The following PREX2 variants were observed in gnomAD, a reference collection of about 807,000 sequenced individuals.
PREX2 encodes phosphatidylinositol 3,4,5-trisphosphate-dependent Rac exchanger 2 protein.
Under a neutral mutation model 203.2 loss-of-function variants are expected in PREX2, and 107 were observed. That is an observed-to-expected ratio of 0.53 (90% CI 0.45 to 0.62). The LOEUF (loss-of-function observed/expected upper bound fraction) is 0.62, where lower values mean the gene tolerates loss of function less well. Ranked by LOEUF, PREX2 falls within the 20% of genes least tolerant of loss-of-function variation. The probability of loss-of-function intolerance (pLI) is 0.00; values close to 1 mark genes in which losing one functional copy is unlikely to be tolerated. For synonymous variants in PREX2, 672 were observed against 663.6 expected, an observed-to-expected ratio of 1.01 and a Z score of -0.19; for missense variants, 1,777 against 1,955.9, an observed-to-expected ratio of 0.91 and a Z score of 1.72.
intron 21 of PREX2, among the ~76,000 whole-genome samples, chr8:68,095,254 C>T (rs1258364366): frequency 6.6e-6 from 1 of 152,056 alleles, no homozygotes; most frequent in South Asian, 2.1e-4. Context: ...GAACTCTAGC[C>T]TCTCTCCCCT....
rs532701636 is a variant in PREX2, at chr8:67,983,655, A to G, written c.141+31120A>G. On this transcript the variant is annotated intron_variant, in intron 1 of 39. Coordinates refer to ENST00000288368, the MANE Select transcript of PREX2 (RefSeq NM_024870.4). Reference sequence around the variant, plus strand: ...CTTCCTGCCCTCTTCCTTCTGCCAGACTTCATGAAATTTTTGCTCCAGAAT... The same window carrying G: ...CTTCCTGCCCTCTTCCTTCTGCCAGGCTTCATGAAATTTTTGCTCCAGAAT... 3.3e-5 allele frequency among the ~76,000 whole-genome samples: 5 copies of G among 152,280 alleles called. No individual in the cohort carries two copies. In the East Asian group the frequency reaches 9.7e-4, roughly 29 times the overall value.
Position 68,236,898 on chromosome 8 carries a change from T to C in PREX2, c.*5520T>C, listed in dbSNP as rs978895739. The stretch of plus-strand genomic sequence containing the variant: ...ATGTAACATAGCTTCCATTACTCCA[T>C]ATTTTATGTATGGTTAAAATTATCA... On this transcript the variant is annotated 3_prime_UTR_variant, in exon 40 of 40. Coordinates refer to ENST00000288368, the MANE Select transcript of PREX2 (RefSeq NM_024870.4). 1.3e-5 allele frequency: 2 copies of C among 152,160 alleles called. No individual in the cohort carries two copies. The highest frequency in any genetic ancestry group is 2.4e-5 in the African/African-American group (1 of 41,456). The allele number at this position is 152,160 out of a possible 1,614,324, so 9.4% of individuals were successfully genotyped here. A position where few individuals can be genotyped will look rare whatever the true frequency, so the allele number is the denominator to read the frequency against.
intron 1 of PREX2, among the ~76,000 whole-genome samples, chr8:68,000,809 TG>T (rs746327701): frequency 7.2e-5 from 11 of 152,234 alleles, no homozygotes; most frequent in Non-Finnish European, 1.6e-4. Context: ...CGTATAACCA[TG>T]TGATCATTGA....
intron 34 of PREX2, among the ~76,000 whole-genome samples, chr8:68,147,579 A>G (rs1229664002): frequency 6.6e-6 from 1 of 152,186 alleles, no homozygotes; most frequent in Admixed American, 6.6e-5. Context: ...AGCCATGGGG[A>G]ACTGTAAGTC....
chr8:68,062,371 A>T (rs1274589859), intron 11 of PREX2, among the ~76,000 whole-genome samples: 1 of 152,196 alleles, frequency 6.6e-6, no homozygotes, highest in Non-Finnish European at 1.5e-5. Context: ...TTACAATCAA[A>T]CTTAAAGAAA....
At chr8:68,100,045 T>C (rs2129612582) in intron 23 of PREX2, 1 of 700,826 alleles carries the variant, frequency 1.4e-6, no homozygotes. Context: ...GTAAGTTATG[T>C]TACTGTCCCA....
chr8:67,967,614 A>G (rs1053063924), intron 1 of PREX2, among the ~76,000 whole-genome samples: 1 of 152,194 alleles, frequency 6.6e-6, no homozygotes, highest in Non-Finnish European at 1.5e-5. Flanking sequence ...AGGGGATGGA[A>G]GCATTGAACA....
chr8:68,167,391 T>C (rs1811784786), intron 35 of PREX2, among the ~76,000 whole-genome samples: 1 of 150,870 alleles, frequency 6.6e-6, no homozygotes, highest in East Asian at 2.0e-4. Context: ...TGCAGTGCAG[T>C]GGTGCAATCT....
At chr8:68,134,559 A>G (rs945805008) in intron 32 of PREX2, among the ~76,000 whole-genome samples, 2 of 152,124 alleles carry the variant, frequency 1.3e-5, no homozygotes, top group African/African-American at 2.4e-5. Flanking sequence ...CTGACTGGAG[A>G]AGGTCATCAG....
At chr8:68,113,832 G>A (rs188528896) in intron 25 of PREX2, among the ~76,000 whole-genome samples, 1 of 152,156 alleles carries the variant, frequency 6.6e-6, no homozygotes, top group East Asian at 1.9e-4. Context: ...GAAGGCAGGG[G>A]CTTTTGTATT....
At chr8:68,145,514 A>T (rs1811307760) in intron 33 of PREX2, among the ~76,000 whole-genome samples, 1 of 152,206 alleles carries the variant, frequency 6.6e-6, no homozygotes, top group Admixed American at 6.5e-5. Context: ...ATGACTATTC[A>T]GCCTTTTAGG....
chr8:68,002,451 C>T lies in PREX2; in HGVS notation c.142-15395C>T, dbSNP rs142832475. Reference sequence around the variant, plus strand: ...CACCTCCATCTCACAAAGTGCTCTCCCAAAGGCGTGAGCCACTGTGCCTGG... The same window carrying T: ...CACCTCCATCTCACAAAGTGCTCTCTCAAAGGCGTGAGCCACTGTGCCTGG... On this transcript the variant is annotated intron_variant, in intron 1 of 39. Transcript: ENST00000288368. Among the ~76,000 whole-genome samples, 778 of 152,266 alleles carry T rather than the reference C, an allele frequency of 5.1e-3. 6 individuals carry two copies. Among genetic ancestry groups the T allele is most frequent in the Admixed American group, 0.012 (190 of 15,302 alleles).
At chr8:68,101,623 T>C (rs1451680616) in intron 23 of PREX2, among the ~76,000 whole-genome samples, 1 of 151,736 alleles carries the variant, frequency 6.6e-6, no homozygotes, top group Non-Finnish European at 1.5e-5. Context: ...TCTAAACAAA[T>C]GCAAACGAAA....
intron 35 of PREX2, among the ~76,000 whole-genome samples, chr8:68,179,032 A>G (rs1044209608): frequency 6.6e-6 from 1 of 152,096 alleles, no homozygotes; most frequent in Non-Finnish European, 1.5e-5. Flanking sequence ...GTTTTTATAC[A>G]CTTTTGGTTT....
intron 1 of PREX2, among the ~76,000 whole-genome samples, chr8:67,981,405 A>G (rs1375023116): frequency 6.6e-6 from 1 of 152,210 alleles, no homozygotes; most frequent in East Asian, 1.9e-4. Context: ...AAAACAGGTA[A>G]TGAAACAGGC....
chr8:68,187,906 G>C (rs1812222576), intron 35 of PREX2, among the ~76,000 whole-genome samples: 1 of 152,220 alleles, frequency 6.6e-6, no homozygotes, highest in African/African-American at 2.4e-5. Flanking sequence ...GGTGGACAGA[G>C]GGGGCTGGGA....
chr8:68,091,785 G>A lies in PREX2; in HGVS notation c.2250+1070G>A, dbSNP rs551638878. Among the ~76,000 whole-genome samples the A allele has an allele frequency of 5.3e-5, 8 of 152,200 alleles. No individual in the cohort carries two copies. The East Asian group carries it at 1.4e-3, about 26-fold the overall frequency. ...CAGAATGTTAATAAGCAGAGAAATCGATTTGAGTTTCATTTCTTTTTATTT... is the reference window on the plus strand; with the variant it reads ...CAGAATGTTAATAAGCAGAGAAATCAATTTGAGTTTCATTTCTTTTTATTT... On this transcript the variant is annotated intron_variant, in intron 20 of 39. Transcript: ENST00000288368.
In PREX2 at chr8:68,192,269, A is replaced by C. The variant is rs890457021; in HGVS notation, c.4414-66A>C. 1.0e-4 allele frequency: 132 copies of C among 1,280,078 alleles called. 1 individual carries two copies. The South Asian group carries it at 1.8e-3, about 18-fold the overall frequency. 79.3% of individuals were successfully genotyped at this position (1,280,078 alleles called of 1,614,324 possible). On this transcript the variant is annotated intron_variant, in intron 36 of 39. Coordinates refer to ENST00000288368, the MANE Select transcript of PREX2 (RefSeq NM_024870.4). ...TTTTAGACTATTCTTTAACAGCTAT[A>C]CCAACCTATCTAAAAGAATTTTACT...
chr8:68,229,148 A>G (rs1813117701), intron 39 of PREX2, among the ~76,000 whole-genome samples: 1 of 152,162 alleles, frequency 6.6e-6, no homozygotes, highest in Non-Finnish European at 1.5e-5. Flanking sequence ...GTTGCTGTGT[A>G]GAAAGGTGAA....
Sources: allele counts gnomAD v4.1 joint callset (sites outside exome capture counted in the v4.1 genomes callset), GRCh38; gene constraint gnomAD v4.1.1; transcripts MANE v1.5; gene names NCBI Gene and HGNC (gene_info 2026-07-23, HGNC 2026-07-21).